HABP2: variants seen among roughly 807,000 people sequenced by gnomAD.
The protein encoded by HABP2 is hyaluronan binding protein 2.
Under a neutral mutation model 66.5 loss-of-function variants are expected in HABP2, and 65 were observed. The ratio of observed to expected loss-of-function variants is 0.98; its 90% CI spans 0.80 to 1.20. The LOEUF (loss-of-function observed/expected upper bound fraction) is 1.20. Ranked by LOEUF, HABP2 falls within the 50% of genes most tolerant of loss-of-function variation. HABP2 has a pLI of 0.00. For missense variants in HABP2, 786 were observed against 691.0 expected, an observed-to-expected ratio of 1.14 and a Z score of -1.54; for synonymous variants, 263 against 253.9, an observed-to-expected ratio of 1.04 and a Z score of -0.34.
At chr10:113,564,843 T>A (rs1413791256) in intron 1 of HABP2, among the ~76,000 whole-genome samples, 1 of 128,256 alleles carries the variant, frequency 7.8e-6, no homozygotes, top group East Asian at 2.7e-4. Context: ...TCACCACGCA[T>A]CTCTCTCTTT....
chr10:113,586,476 G>C (rs1231805586), intron 12 of HABP2, among the ~76,000 whole-genome samples: 1 of 86,708 alleles, frequency 1.2e-5, no homozygotes, highest in South Asian at 4.6e-4. Flanking sequence ...GTGTGTGTGT[G>C]GGGGGGGGGG....
Position 113,567,038 on chromosome 10 carries a change from G to A in HABP2, c.70-451G>A, listed in dbSNP as rs933251722. ...TCACCTAGATTTCAGCATGAATTCC[G>A]AATCCTATCACAGCTATGTGACCTC... On this transcript the variant is annotated intron_variant, in intron 1 of 12. Transcript: ENST00000351270. 3.3e-5 allele frequency among the ~76,000 whole-genome samples: 5 copies of A among 152,300 alleles called. No homozygotes were observed. The East Asian group carries it at 5.8e-4, about 18-fold the overall frequency.
At chr10:113,585,447 A>C (rs1413317019) in intron 11 of HABP2, among the ~76,000 whole-genome samples, 1 of 152,188 alleles carries the variant, frequency 6.6e-6, no homozygotes, top group Non-Finnish European at 1.5e-5. Flanking sequence ...TCATCCATCC[A>C]TCCATCCATT....
At chr10:113,570,549 A>G (rs982455674) in intron 2 of HABP2, among the ~76,000 whole-genome samples, 8 of 152,214 alleles carry the variant, frequency 5.3e-5, no homozygotes, top group Non-Finnish European at 1.5e-5. Context: ...TTTTTCTACA[A>G]TCTACCAGTG....
intron 1 of HABP2, among the ~76,000 whole-genome samples, chr10:113,563,090 G>A (rs1478872573): frequency 3.9e-5 from 6 of 152,174 alleles, no homozygotes; most frequent in African/African-American, 1.4e-4. Context: ...CAAAATGTCC[G>A]TAAAATATTT....
Position 113,567,191 on chromosome 10 carries a change from C to G in HABP2, c.70-298C>G, listed in dbSNP as rs10885475. ...TGAAACTCACTGCACCTGACGAGCACACCAGTACCTGGGCAGCCGTGTTCC... is the reference window on the plus strand; with the variant it reads ...TGAAACTCACTGCACCTGACGAGCAGACCAGTACCTGGGCAGCCGTGTTCC... On this transcript the variant is annotated intron_variant, in intron 1 of 12. Transcript: ENST00000351270. Among the ~76,000 whole-genome samples the G allele has an allele frequency of 0.3, 45,399 of 151,858 alleles. 7,282 individuals carry two copies. The highest frequency in any genetic ancestry group is 0.47 in the East Asian group (2,422 of 5,126).
intron 3 of HABP2, 91 bp from the exon 4 acceptor site, chr10:113,575,806 G>T (rs112854635): frequency 2.7e-6 from 2 of 728,928 alleles, no homozygotes; most frequent in South Asian, 1.6e-5. Context: ...CTCATTTGGG[G>T]CAGGAGACTG....
At chr10:113,567,934 C>G (rs552963710) in intron 2 of HABP2, among the ~76,000 whole-genome samples, 1 of 152,194 alleles carries the variant, frequency 6.6e-6, no homozygotes, top group African/African-American at 2.4e-5. Flanking sequence ...TCTTTTTGTG[C>G]GAGGGCGGCC....
At chr10:113,561,936 T>A (rs6585229) in intron 1 of HABP2, among the ~76,000 whole-genome samples, 146,616 of 152,266 alleles carry the variant, frequency 0.96, 70,686 homozygotes, top group East Asian at 1. Context: ...ACTCAGAGAC[T>A]CGGGATCCTT....
intron 2 of HABP2, among the ~76,000 whole-genome samples, chr10:113,572,186 C>G (rs911708): frequency 0.76 from 116,045 of 152,182 alleles, 45,137 homozygotes; most frequent in East Asian, 0.94. Flanking sequence ...TTCTTAGCAG[C>G]AATATGATTC....
chr10:113,564,329 G>A (rs1845157286), intron 1 of HABP2, among the ~76,000 whole-genome samples: 2 of 152,216 alleles, frequency 1.3e-5, no homozygotes, highest in South Asian at 4.2e-4. Flanking sequence ...TTTGGGTAGG[G>A]ACACAGCCAA....
chr10:113,558,818 C>T (rs1053390109), intron 1 of HABP2, among the ~76,000 whole-genome samples: 7 of 152,228 alleles, frequency 4.6e-5, no homozygotes, highest in South Asian at 2.1e-4. Flanking sequence ...GGCGGCCCCA[C>T]GCTCAGCTGT....
intron 1 of HABP2, among the ~76,000 whole-genome samples, chr10:113,556,804 C>CTTTTTTTTTTTTTTTTTTTTTT (rs66685949): frequency 9.5e-6 from 1 of 105,134 alleles, no homozygotes; most frequent in Non-Finnish European, 1.8e-5. Context: ...TTCTTTTATT[C>CTTTTTTTTTTTTTTTTTTTTTT]TTTTTTTTTT....
At chr10:113,585,762 A>C in intron 11 of HABP2, 31 bp from the exon 12 acceptor site, 1 of 1,596,622 alleles carries the variant, frequency 6.3e-7, no homozygotes, top group Non-Finnish European at 8.6e-7. Flanking sequence ...TCCCCACAGT[A>C]GTGACTCTTT....
In HABP2 at chr10:113,589,054, C is replaced by A. The variant is rs1366463050; in HGVS notation, c.*685C>A. The A allele has an allele frequency of 6.2e-7, 1 of 1,613,968 alleles. No homozygotes were observed. Among genetic ancestry groups the A allele is most frequent in the South Asian group, 1.1e-5 (1 of 91,058 alleles). On this transcript the variant is annotated 3_prime_UTR_variant, in exon 13 of 13. Coordinates refer to ENST00000351270, the MANE Select transcript of HABP2 (RefSeq NM_004132.5). ...GTTCACCTCCCCACTCTGATGATCT[C>A]CAGCCTCCACTGCTTCTGCCCCCCG...
At chr10:113,551,915 G>T (rs3781391), upstream of HABP2, among the ~76,000 whole-genome samples, 96,264 of 151,794 alleles carry the variant, frequency 0.63, 31,135 homozygotes, top group South Asian at 0.76. Flanking sequence ...GGGGGGAGTT[G>T]ATGGCTGCCT....
chr10:113,588,810 C>CAAAT lies in HABP2; in HGVS notation c.*443_*446dup, dbSNP rs1845737844. On this transcript the variant is annotated 3_prime_UTR_variant, in exon 13 of 13. Transcript: ENST00000351270. ...CACGTCTAGGTATCAGAGAGGACCA[C>CAAAT]AAATACAACATTCTCCATCTGCTTT... is the stretch of plus-strand genomic sequence containing the variant. The CAAAT allele has an allele frequency of 4.7e-6, 3 of 634,116 alleles. No individual in the cohort carries two copies. Among genetic ancestry groups the CAAAT allele is most frequent in the Middle Eastern group, 3.7e-4 (1 of 2,718 alleles). The allele number at this position is 634,116 out of a possible 1,614,324, so 39.3% of individuals were successfully genotyped here. A position where few individuals can be genotyped will look rare whatever the true frequency, so the allele number is the denominator to read the frequency against.
intron 12 of HABP2, among the ~76,000 whole-genome samples, chr10:113,586,618 A>G (rs1845641856): frequency 6.6e-6 from 1 of 152,116 alleles, no homozygotes; most frequent in Non-Finnish European, 1.5e-5. Context: ...CCAATGCTAA[A>G]GTGACTTCAG....
At chr10:113,579,638 G>C (rs960679996) in intron 7 of HABP2, among the ~76,000 whole-genome samples, 1 of 152,216 alleles carries the variant, frequency 6.6e-6, no homozygotes, top group East Asian at 1.9e-4. Flanking sequence ...CTGCCTCCAG[G>C]CCACTCTGTT....
Sources: allele counts gnomAD v4.1 joint callset (sites outside exome capture counted in the v4.1 genomes callset), GRCh38; gene constraint gnomAD v4.1.1; transcripts MANE v1.5; gene names NCBI Gene and HGNC (gene_info 2026-07-23, HGNC 2026-07-21).